GABBR2: variants seen among roughly 807,000 people sequenced by gnomAD.
The protein encoded by GABBR2 is G-protein coupled receptor 51.
Under a neutral mutation model 105.6 loss-of-function variants are expected in GABBR2, and 23 were observed. That is an observed-to-expected ratio of 0.22 (90% confidence interval 0.16 to 0.31). GABBR2 has a LOEUF of 0.31. Among genes scored for constraint, GABBR2 ranks in the 10% least tolerant of loss-of-function variants. The pLI is 1.00. For missense variants in GABBR2, 734 were observed against 1,245.5 expected, an observed-to-expected ratio of 0.59 and a Z score of 6.18; for synonymous variants, 478 against 499.7, an observed-to-expected ratio of 0.96 and a Z score of 0.58.
chr9:98,482,058 C>T (rs1232406600), intron 4 of GABBR2, among the ~76,000 whole-genome samples: 2 of 152,232 alleles, frequency 1.3e-5, no homozygotes, highest in Non-Finnish European at 2.9e-5. Context: ...CTGGCCCAAA[C>T]ACCTGCTCCC....
chr9:98,483,284 T>A (rs2131646353), intron 4 of GABBR2, among the ~76,000 whole-genome samples: 1 of 152,254 alleles, frequency 6.6e-6, no homozygotes, highest in East Asian at 1.9e-4. Context: ...GTCCCAACCC[T>A]CCAGCCCCAC....
At chr9:98,417,433 A>G (rs1022975168) in intron 7 of GABBR2, among the ~76,000 whole-genome samples, 2 of 152,128 alleles carry the variant, frequency 1.3e-5, no homozygotes, top group Admixed American at 1.3e-4. Flanking sequence ...CCATGGGCCA[A>G]ATGATGTTGG....
At position 98,363,882 on chromosome 9, in the gene GABBR2, G is replaced by T. The variant is rs186530257; in HGVS notation, c.1771-1045C>A. ...CTGACCTGTATTTCATTCACTTCAT[G>T]TTTATATATCCCCTCACTCTCCAGA... is the stretch of plus-strand genomic sequence containing the variant. On this transcript the variant is annotated intron_variant, in intron 12 of 18. Coordinates refer to ENST00000259455, the MANE Select transcript of GABBR2 (RefSeq NM_005458.8). Among the ~76,000 whole-genome samples the T allele has an allele frequency of 1.5e-4, 23 of 152,206 alleles. No homozygotes were observed. In the East Asian group the frequency reaches 4.1e-3, roughly 27 times the overall value.
chr9:98,490,361 T>A (rs943644224), intron 4 of GABBR2, among the ~76,000 whole-genome samples: 1 of 152,144 alleles, frequency 6.6e-6, no homozygotes, highest in Non-Finnish European at 1.5e-5. Flanking sequence ...GGGCATAGGG[T>A]TCCTGATGGT....
intron 1 of GABBR2, among the ~76,000 whole-genome samples, chr9:98,668,698 C>T (rs1178143001): frequency 6.6e-6 from 1 of 152,106 alleles, no homozygotes; most frequent in Non-Finnish European, 1.5e-5. Context: ...CTCTGCAGCC[C>T]CTAACAACCA....
chr9:98,386,477 G>A (rs1050727984), intron 10 of GABBR2, among the ~76,000 whole-genome samples: 2 of 152,282 alleles, frequency 1.3e-5, no homozygotes, highest in Middle Eastern at 3.4e-3. Context: ...ACCAGAGTCC[G>A]CAACCCACCC....
chr9:98,596,756 C>T (rs1366004634), intron 1 of GABBR2, among the ~76,000 whole-genome samples: 1 of 152,214 alleles, frequency 6.6e-6, no homozygotes, highest in East Asian at 1.9e-4. Flanking sequence ...CTGCAAAACA[C>T]AGCCTCCATT....
intron 13 of GABBR2, among the ~76,000 whole-genome samples, chr9:98,313,521 T>C (rs138767593): frequency 6.6e-6 from 1 of 152,330 alleles, no homozygotes; most frequent in East Asian, 1.9e-4. Flanking sequence ...TATTTACTGA[T>C]TTGTTCAGTC....
At chr9:98,360,888 C>T (rs1026038107) in intron 13 of GABBR2, among the ~76,000 whole-genome samples, 7 of 152,270 alleles carry the variant, frequency 4.6e-5, no homozygotes, top group Admixed American at 1.3e-4. Flanking sequence ...AGAATAGAGG[C>T]GGCAGCCATT....
At chr9:98,371,708 A>G (rs1831786190) in intron 11 of GABBR2, 137 bp from the exon 12 acceptor site, 2 of 614,836 alleles carry the variant, frequency 3.3e-6, no homozygotes, top group Non-Finnish European at 5.9e-6. Flanking sequence ...TTTCATTGGC[A>G]TCTTTCAATC....
At chr9:98,304,816 G>C (rs1367251990) in intron 15 of GABBR2, among the ~76,000 whole-genome samples, 1 of 106,070 alleles carries the variant, frequency 9.4e-6, no homozygotes, top group Non-Finnish European at 1.9e-5. Context: ...TGTCACCAAG[G>C]CTAGAGTGCA....
chr9:98,319,559 A>G (rs1830783537), intron 13 of GABBR2, among the ~76,000 whole-genome samples: 1 of 151,310 alleles, frequency 6.6e-6, no homozygotes, highest in Admixed American at 6.6e-5. Context: ...GGATGCAGAG[A>G]GCAATTATTT....
In GABBR2 at chr9:98,454,416, C is replaced by T. The variant is rs1733762128; in HGVS notation, c.1000-199G>A. ...TTATTGTCCCCATTTTACAGACCCC[C>T]CATTTTCAGGGGGGTCAACTTGCTT... is the stretch of plus-strand genomic sequence containing the variant. On this transcript the variant is annotated intron_variant, in intron 6 of 18. Transcript: ENST00000259455. The surrounding 1 kb of genome is among the most constrained non-coding windows in gnomAD (Gnocchi z 4.6). Among the ~76,000 whole-genome samples, 1 of 152,074 alleles carries T rather than the reference C, an allele frequency of 6.6e-6. No individual in the cohort carries two copies. The highest frequency in any genetic ancestry group is 2.4e-5 in the African/African-American group (1 of 41,384).
At chr9:98,412,252 A>G (rs1832604006) in intron 7 of GABBR2, among the ~76,000 whole-genome samples, 2 of 152,358 alleles carry the variant, frequency 1.3e-5, no homozygotes, top group African/African-American at 4.8e-5. Context: ...CTCTGAGTGA[A>G]GACTCGCTGG....
chr9:98,396,994 G>T (rs1176959986), intron 8 of GABBR2, among the ~76,000 whole-genome samples: 1 of 152,170 alleles, frequency 6.6e-6, no homozygotes, highest in Non-Finnish European at 1.5e-5. Flanking sequence ...AATTCATCCT[G>T]GTCTAAAGAG....
Position 98,318,043 on chromosome 9 carries a change from A to G in GABBR2, c.1894-6838T>C, listed in dbSNP as rs142508190. On this transcript the variant is annotated intron_variant, in intron 13 of 18. Transcript: ENST00000259455. The stretch of plus-strand genomic sequence containing the variant: ...GGGAAGAGCACGCATGGCAGAAGGC[A>G]TGGCAAGGGAAAAGAACCTGAAATG... 2.0e-5 allele frequency among the ~76,000 whole-genome samples: 3 copies of G among 152,342 alleles called. No individual in the cohort carries two copies. The East Asian group carries it at 5.8e-4, about 29-fold the overall frequency.
chr9:98,417,957 G>C (rs1452483370), intron 7 of GABBR2, among the ~76,000 whole-genome samples: 1 of 152,124 alleles, frequency 6.6e-6, no homozygotes, highest in Non-Finnish European at 1.5e-5. Flanking sequence ...GCTCTTTGGA[G>C]GAGTAGAAAG....
At chr9:98,571,032 C>T (rs750899846) in intron 2 of GABBR2, among the ~76,000 whole-genome samples, 11 of 152,186 alleles carry the variant, frequency 7.2e-5, no homozygotes, top group Non-Finnish European at 1.6e-4. Context: ...GTGAATGAGA[C>T]ACAATTCTAA....
rs372593610 is a variant in GABBR2 at position 98,532,985 on chromosome 9, G to T, written c.630+8888C>A. Among the ~76,000 whole-genome samples the T allele has an allele frequency of 4.6e-5, 7 of 152,118 alleles. No homozygotes were observed. In the East Asian group the frequency reaches 1.3e-3, roughly 29 times the overall value. ...CTGGGGATTGTTGATGCCAATGGCT[G>T]GTCCAGAACTTTCCACTGAGATCTC... On this transcript the variant is annotated intron_variant, in intron 3 of 18. Transcript: ENST00000259455.
Sources: gnomAD v4.1 joint callset for allele counts (sites outside exome capture counted in the v4.1 genomes callset) on GRCh38, gnomAD v4.1.1 for gene constraint, Gnocchi (gnomAD v3.1) non-coding constraint, MANE v1.5 for transcripts, NCBI Gene and HGNC (gene_info 2026-07-23, HGNC 2026-07-21) for gene names.